PDSS2: variants seen among roughly 807,000 people sequenced by gnomAD.
The protein encoded by PDSS2 is all trans-polyprenyl-diphosphate synthase PDSS2.
PDSS2 carries 31 observed loss-of-function variants against 44.5 expected under a neutral mutation model. That is an observed-to-expected ratio of 0.70 (90% CI 0.52 to 0.94). The LOEUF is 0.94. PDSS2 is among the 40% of genes least tolerant of loss of function. The probability of loss-of-function intolerance (pLI) is 0.00; values close to 1 mark genes in which losing one functional copy is unlikely to be tolerated. For synonymous variants in PDSS2, 157 were observed against 180.3 expected (o/e 0.87, Z 1.03); for missense variants, 452 against 482.2 (o/e 0.94, Z 0.59).
Position 107,429,884 on chromosome 6 carries a change from CAA to C in PDSS2, c.296+29104_296+29105del, listed in dbSNP as rs1163895804. On this transcript the variant is annotated intron_variant, in intron 1 of 7. Transcript: ENST00000369037. The stretch of plus-strand genomic sequence containing the variant: ...GGGCAACAAGAGCAAAACTTAGTCT[CAA>C]AAAAAAAAAAAAAAAATATATATAT... Among the ~76,000 whole-genome samples the C allele has an allele frequency of 6.1e-3, 33 of 5,378 alleles. 1 individual carries two copies. The highest frequency in any genetic ancestry group is 0.034 in the South Asian group (3 of 88). 3.5% of individuals were successfully genotyped at this position (5,378 alleles called of 152,430 possible). A position where few individuals can be genotyped will look rare whatever the true frequency, so the allele number is the denominator to read the frequency against.
chr6:107,277,091 T>C (rs887233091), intron 2 of PDSS2, among the ~76,000 whole-genome samples: 4 of 152,238 alleles, frequency 2.6e-5, no homozygotes, highest in Non-Finnish European at 5.9e-5. Flanking sequence ...CCCCAATCTA[T>C]TTCTACTAGA....
chr6:107,418,973 A>C (rs1780746231), intron 1 of PDSS2, among the ~76,000 whole-genome samples: 1 of 152,176 alleles, frequency 6.6e-6, no homozygotes, highest in Non-Finnish European at 1.5e-5. Flanking sequence ...AGTCTAGATG[A>C]AAACATATTT....
intron 1 of PDSS2, among the ~76,000 whole-genome samples, chr6:107,356,674 A>C (rs1200114165): frequency 6.6e-6 from 1 of 152,212 alleles, no homozygotes; most frequent in East Asian, 1.9e-4. Context: ...TATTTGCAAG[A>C]TCAATGACTT....
intron 4 of PDSS2, among the ~76,000 whole-genome samples, chr6:107,214,815 G>A (rs1773358350): frequency 6.6e-6 from 1 of 152,154 alleles, no homozygotes. Context: ...ATGGGGTCTT[G>A]CTATATTGCC....
intron 5 of PDSS2, 73 bp from the exon 6 acceptor site, chr6:107,210,643 G>C: frequency 9.9e-7 from 1 of 1,013,866 alleles, no homozygotes; most frequent in Non-Finnish European, 1.6e-6. Flanking sequence ...TATTCAGAAA[G>C]TACCAGTTAA....
chr6:107,383,793 G>A (rs942560239), intron 1 of PDSS2, among the ~76,000 whole-genome samples: 1 of 152,184 alleles, frequency 6.6e-6, no homozygotes, highest in Non-Finnish European at 1.5e-5. Context: ...AGCAATTGTT[G>A]ATGAAGATGT....
At chr6:107,416,461 C>T (rs1780663651) in intron 1 of PDSS2, among the ~76,000 whole-genome samples, 1 of 152,072 alleles carries the variant, frequency 6.6e-6, no homozygotes, top group Non-Finnish European at 1.5e-5. Flanking sequence ...GTACTTTCAC[C>T]AGATAATAAA....
chr6:107,327,489 A>G (rs1411639731), intron 2 of PDSS2, among the ~76,000 whole-genome samples: 1 of 152,252 alleles, frequency 6.6e-6, no homozygotes, highest in African/African-American at 2.4e-5. Flanking sequence ...ATTTCCCTGG[A>G]CAGGGCCAGG....
At chr6:107,173,572 C>CAAAAAAAAAAAAAAAA (rs71012783) in intron 7 of PDSS2, among the ~76,000 whole-genome samples, 1 of 41,508 alleles carries the variant, frequency 2.4e-5, no homozygotes, top group African/African-American at 1.3e-4. Context: ...GACTCTGTCT[C>CAAAAAAAAAAAAAAAA]AAAAAAAAAA....
At chr6:107,235,547 C>T (rs1340311538) in intron 4 of PDSS2, among the ~76,000 whole-genome samples, 1 of 152,192 alleles carries the variant, frequency 6.6e-6, no homozygotes, top group Non-Finnish European at 1.5e-5. Context: ...AAGAATCAAA[C>T]TGTTTTCAGT....
chr6:107,218,370 C>T (rs1773487584), intron 4 of PDSS2, among the ~76,000 whole-genome samples: 1 of 152,164 alleles, frequency 6.6e-6, no homozygotes, highest in African/African-American at 2.4e-5. Context: ...TCTGCACTTG[C>T]TGTTCTGCAG....
At chr6:107,322,179 TG>T (rs1158377086) in intron 2 of PDSS2, among the ~76,000 whole-genome samples, 1 of 152,216 alleles carries the variant, frequency 6.6e-6, no homozygotes, top group East Asian at 1.9e-4. Context: ...TATCTAATCC[TG>T]TAGGGAATGC....
At chr6:107,254,824 A>G (rs1242988922) in intron 3 of PDSS2, among the ~76,000 whole-genome samples, 1 of 152,114 alleles carries the variant, frequency 6.6e-6, no homozygotes, top group East Asian at 1.9e-4. Context: ...GGCTTTCAAT[A>G]CACATTGTGA....
intron 7 of PDSS2, among the ~76,000 whole-genome samples, chr6:107,192,787 T>TA (rs71549501): frequency 0.088 from 12,725 of 144,578 alleles, 835 homozygotes; most frequent in African/African-American, 0.19. Context: ...TTGTAATTGT[T>TA]AAAAAAAAAA....
At chr6:107,297,384 AT>A (rs752620723) in intron 2 of PDSS2, among the ~76,000 whole-genome samples, 328 of 144,062 alleles carry the variant, frequency 2.3e-3, no homozygotes, top group East Asian at 2.2e-3. Flanking sequence ...GTGGGAGTGA[AT>A]TTTTTTTTTT....
intron 6 of PDSS2, among the ~76,000 whole-genome samples, chr6:107,194,646 C>T (rs1018523890): frequency 1.3e-5 from 2 of 152,182 alleles, no homozygotes; most frequent in African/African-American, 4.8e-5. Flanking sequence ...CAGGCTGTTT[C>T]ACTCTTAGTA....
intron 5 of PDSS2, among the ~76,000 whole-genome samples, chr6:107,211,220 T>TC (rs1044236911): frequency 3.3e-5 from 5 of 151,644 alleles, no homozygotes; most frequent in East Asian, 1.9e-4. Flanking sequence ...ATGTATATAT[T>TC]CCCCCCCTTA....
intron 2 of PDSS2, among the ~76,000 whole-genome samples, chr6:107,321,960 A>G (rs1271463111): frequency 2.6e-5 from 4 of 152,156 alleles, no homozygotes; most frequent in Non-Finnish European, 5.9e-5. Flanking sequence ...CATGATCTCC[A>G]GTCCCTTGAT....
intron 7 of PDSS2, among the ~76,000 whole-genome samples, chr6:107,176,324 A>C (rs561442170): frequency 6.6e-6 from 1 of 151,930 alleles, no homozygotes; most frequent in Non-Finnish European, 1.5e-5. Context: ...TTACAGGTTG[A>C]GCCCCTGCGC....
Sources: gnomAD v4.1 joint callset for allele counts (sites outside exome capture counted in the v4.1 genomes callset) on GRCh38, gnomAD v4.1.1 for gene constraint, MANE v1.5 for transcripts, NCBI Gene and HGNC (gene_info 2026-07-23, HGNC 2026-07-21) for gene names.